GTF2I: variants seen among roughly 807,000 people sequenced by gnomAD.
GTF2I encodes general transcription factor II-I.
Under a neutral mutation model 67.6 loss-of-function variants are expected in GTF2I, and 12 were observed. The observed-to-expected ratio is 0.18, with a 90% confidence interval of 0.11 to 0.29. GTF2I has a LOEUF of 0.29. Among genes scored for constraint, GTF2I ranks in the 10% least tolerant of loss-of-function variants. The probability of loss-of-function intolerance (pLI) is 1.00; values close to 1 mark genes in which losing one functional copy is unlikely to be tolerated. For missense variants in GTF2I, 271 were observed against 580.1 expected, an observed-to-expected ratio of 0.47 and a Z score of 5.47; for synonymous variants, 149 against 197.0, an observed-to-expected ratio of 0.76 and a Z score of 2.04.
chr7:74,722,012 T>C (rs1396418551), intron 12 of GTF2I, among the ~76,000 whole-genome samples: 1 of 152,130 alleles, frequency 6.6e-6, no homozygotes, highest in Non-Finnish European at 1.5e-5. Flanking sequence ...GACGACTTAA[T>C]TTTCTCCTTT....
At chr7:74,718,423 CTCAG>C (rs1792529696) in intron 11 of GTF2I, among the ~76,000 whole-genome samples, 1 of 152,226 alleles carries the variant, frequency 6.6e-6, no homozygotes, top group Non-Finnish European at 1.5e-5. Flanking sequence ...ACTTGTGACA[CTCAG>C]TCTCTTGATA....
At chr7:74,707,554 T>C (rs1400985829) in intron 8 of GTF2I, among the ~76,000 whole-genome samples, 3 of 152,194 alleles carry the variant, frequency 2.0e-5, no homozygotes, top group African/African-American at 7.2e-5. Flanking sequence ...TGTAAGTGTA[T>C]TTTGGGAGAG....
At chr7:74,728,403 A>C (rs1554406149) in intron 12 of GTF2I, among the ~76,000 whole-genome samples, 7 of 149,730 alleles carry the variant, frequency 4.7e-5, no homozygotes. Context: ...TTTTCCATCT[A>C]AGCTGTACTC....
At chr7:74,659,125 G>T (rs1367968059) in intron 1 of GTF2I, among the ~76,000 whole-genome samples, 1 of 152,058 alleles carries the variant, frequency 6.6e-6, no homozygotes, top group African/African-American at 2.4e-5. Flanking sequence ...TTCTCACTTT[G>T]TTGCCCAGGC....
intron 11 of GTF2I, among the ~76,000 whole-genome samples, chr7:74,717,996 T>C (rs1792467399): frequency 6.6e-6 from 1 of 151,950 alleles, no homozygotes; most frequent in South Asian, 2.1e-4. Context: ...AGTGACAGAG[T>C]TTTCAGCTTT....
At chr7:74,692,728 ATAT>A (rs1788448852) in intron 3 of GTF2I, among the ~76,000 whole-genome samples, 1 of 152,206 alleles carries the variant, frequency 6.6e-6, no homozygotes, top group Admixed American at 6.6e-5. Context: ...CTATAGGCAC[ATAT>A]TATATATGGG....
chr7:74,665,020 A>C (rs1479464378), intron 1 of GTF2I, among the ~76,000 whole-genome samples: 1 of 148,992 alleles, frequency 6.7e-6, no homozygotes, highest in Admixed American at 6.7e-5. Flanking sequence ...GCTCACCGCA[A>C]TCTCCGCCTA....
intron 10 of GTF2I, chr7:74,716,503 G>A (rs1379477618): frequency 6.4e-6 from 1 of 157,130 alleles, no homozygotes; most frequent in Non-Finnish European, 1.4e-5. Flanking sequence ...AGTTAATTAA[G>A]TGTCTGATCA....
chr7:74,715,900 T>A (rs1286218665), intron 10 of GTF2I, among the ~76,000 whole-genome samples: 3 of 152,008 alleles, frequency 2.0e-5, no homozygotes, highest in Non-Finnish European at 4.4e-5. Context: ...CAAATGACAG[T>A]TTTTCAGACC....
intron 8 of GTF2I, among the ~76,000 whole-genome samples, chr7:74,708,479 G>C (rs1426980045): frequency 6.6e-6 from 1 of 152,158 alleles, no homozygotes; most frequent in Non-Finnish European, 1.5e-5. Flanking sequence ...TGGTGGCTGA[G>C]GGGCATGGTG....
intron 3 of GTF2I, among the ~76,000 whole-genome samples, chr7:74,693,311 C>A (rs868992132): frequency 7.8e-6 from 1 of 127,396 alleles, no homozygotes; most frequent in Non-Finnish European, 1.6e-5. Context: ...AGGTTTGCTC[C>A]GTCACCCTGG....
intron 5 of GTF2I, 54 bp downstream of exon 5, chr7:74,700,484 A>G: frequency 6.2e-7 from 1 of 1,604,118 alleles, no homozygotes; most frequent in Non-Finnish European, 8.5e-7. Context: ...ATAAATTTGA[A>G]TATTTAGCTT....
intron 1 of GTF2I, among the ~76,000 whole-genome samples, chr7:74,676,613 A>G (rs905194469): frequency 1.3e-5 from 2 of 152,214 alleles, no homozygotes; most frequent in East Asian, 3.8e-4. Flanking sequence ...AAACATTAAG[A>G]TATTTACAAA....
Position 74,706,444 on chromosome 7 carries a change from G to T in GTF2I, c.685+11G>T. Reference sequence around the variant, plus strand: ...CCACAGAAGATTCTGGTATGTACTAGCACTTTTAGAATCAATGGTGAAATT... The same window carrying T: ...CCACAGAAGATTCTGGTATGTACTATCACTTTTAGAATCAATGGTGAAATT... On this transcript the variant is annotated intron_variant, in intron 8 of 34. Transcript: ENST00000573035. 6.3e-7 allele frequency: 1 copy of T among 1,589,792 alleles called. No individual in the cohort carries two copies. Among genetic ancestry groups the T allele is most frequent in the Non-Finnish European group, 8.6e-7 (1 of 1,158,054 alleles).
chr7:74,732,226 T>A (rs1443099957), intron 14 of GTF2I, among the ~76,000 whole-genome samples: 1 of 150,894 alleles, frequency 6.6e-6, no homozygotes, highest in Non-Finnish European at 1.5e-5. Context: ...TACAAAAAAT[T>A]AGCTGGGCGT....
chr7:74,711,772 A>G (rs1478555480), intron 9 of GTF2I, among the ~76,000 whole-genome samples: 1 of 152,160 alleles, frequency 6.6e-6, no homozygotes, highest in Non-Finnish European at 1.5e-5. Flanking sequence ...TGCACGTATC[A>G]GTAGTAGATT....
intron 1 of GTF2I, among the ~76,000 whole-genome samples, chr7:74,684,285 T>C (rs1378663495): frequency 1.3e-5 from 2 of 152,246 alleles, no homozygotes; most frequent in Non-Finnish European, 2.9e-5. Context: ...AGGGTATTCA[T>C]AAAAGGGATT....
Position 74,678,324 on chromosome 7 carries a change from T to A in GTF2I, c.-5-10800T>A, listed in dbSNP as rs138541682. On this transcript the variant is annotated intron_variant, in intron 1 of 34. Transcript: ENST00000573035. ...TCCAGGGACAATATCCTAGTGGCAA[T>A]TATTTTAGCTAATTTTGAAGGTTTT... Among the ~76,000 whole-genome samples, 1,263 of 151,866 alleles carry A rather than the reference T, an allele frequency of 8.3e-3. 22 individuals carry two copies. Among genetic ancestry groups the A allele is most frequent in the African/African-American group, 0.027 (1,129 of 41,434 alleles).
chr7:74,722,411 T>C (rs182876985), intron 12 of GTF2I, among the ~76,000 whole-genome samples: 91 of 152,304 alleles, frequency 6.0e-4, no homozygotes, highest in African/African-American at 2.1e-3. Context: ...TTATCTCTAA[T>C]GTGTGCAGAG....
Sources: allele counts gnomAD v4.1 joint callset (sites outside exome capture counted in the v4.1 genomes callset), GRCh38; gene constraint gnomAD v4.1.1; transcripts MANE v1.5; gene names NCBI Gene and HGNC (gene_info 2026-07-23, HGNC 2026-07-21).